The following TESK2 variants were observed in gnomAD, a reference collection of about 807,000 sequenced individuals.
TESK2 encodes testis associated actin remodelling kinase 2.
In TESK2, 39 loss-of-function variants were observed where a neutral mutation model predicts 57.1. The observed-to-expected ratio is 0.68, with a 90% CI of 0.53 to 0.89. The LOEUF is 0.89. TESK2 is among the 40% of genes least tolerant of loss of function. TESK2 has a pLI of 0.00. For synonymous variants in TESK2, 249 were observed against 267.9 expected (o/e 0.93, Z 0.69); for missense variants, 646 against 732.1 (o/e 0.88, Z 1.36).
intron 3 of TESK2, among the ~76,000 whole-genome samples, chr1:45,393,681 C>A (rs978337311): frequency 6.8e-6 from 1 of 147,274 alleles, no homozygotes. Flanking sequence ...ATGGAGGTTG[C>A]AGTGAGCTAA....
At chr1:45,398,413 C>T (rs555543495) in intron 3 of TESK2, among the ~76,000 whole-genome samples, 6 of 152,076 alleles carry the variant, frequency 3.9e-5, no homozygotes, top group Admixed American at 1.3e-4. Context: ...GGTGTGGTGG[C>T]GTGCACCTGT....
intron 1 of TESK2, among the ~76,000 whole-genome samples, chr1:45,470,419 T>C (rs1321243870): frequency 6.6e-6 from 1 of 152,232 alleles, no homozygotes; most frequent in Non-Finnish European, 1.5e-5. Flanking sequence ...TGAGCTTACC[T>C]TCCTGCTGTG....
chr1:45,486,255 T>C (rs1248787143), intron 1 of TESK2, among the ~76,000 whole-genome samples: 3 of 152,208 alleles, frequency 2.0e-5, no homozygotes, highest in African/African-American at 7.2e-5. Flanking sequence ...TAGAAGGAGA[T>C]GAAATTCCCA....
intron 2 of TESK2, among the ~76,000 whole-genome samples, chr1:45,427,160 T>C (rs1259142346): frequency 4.0e-5 from 6 of 151,078 alleles, no homozygotes; most frequent in Non-Finnish European, 8.8e-5. Flanking sequence ...TGAGAATCAC[T>C]TGAACCTGGG....
chr1:45,441,467 G>C (rs1225603753), intron 2 of TESK2, among the ~76,000 whole-genome samples: 5 of 151,822 alleles, frequency 3.3e-5, no homozygotes, highest in African/African-American at 1.2e-4. Context: ...GTGAGCCACC[G>C]CACCCAGCCT....
chr1:45,354,805 A>AT (rs1647339687), intron 5 of TESK2, among the ~76,000 whole-genome samples: 1 of 67,442 alleles, frequency 1.5e-5, no homozygotes, highest in Non-Finnish European at 2.6e-5. Context: ...AAAAAAAAAA[A>AT]AAAAAAAAAA....
At chr1:45,465,235 CA>C (rs1172793004) in intron 1 of TESK2, among the ~76,000 whole-genome samples, 16 of 142,912 alleles carry the variant, frequency 1.1e-4, no homozygotes, top group South Asian at 2.2e-4. Flanking sequence ...GACTCCATCT[CA>C]AAAAAAAAAG....
intron 3 of TESK2, among the ~76,000 whole-genome samples, chr1:45,400,096 G>T (rs1368391208): frequency 6.6e-6 from 1 of 152,148 alleles, no homozygotes; most frequent in Non-Finnish European, 1.5e-5. Context: ...AATTAAAGTT[G>T]CTGGTCAGAA....
At chr1:45,489,833 C>G (rs1370854541) in intron 1 of TESK2, among the ~76,000 whole-genome samples, 2 of 152,154 alleles carry the variant, frequency 1.3e-5, no homozygotes, top group Non-Finnish European at 2.9e-5. Context: ...TTAACTTGTT[C>G]AAAACCAAAT....
chr1:45,386,986 A>G (rs1279086383), intron 3 of TESK2, among the ~76,000 whole-genome samples: 2 of 151,750 alleles, frequency 1.3e-5, no homozygotes, highest in African/African-American at 4.8e-5. Context: ...TCCCCCTCCC[A>G]ACCTTTCCCC....
intron 4 of TESK2, among the ~76,000 whole-genome samples, chr1:45,360,097 C>A (rs562159161): frequency 3.3e-5 from 5 of 152,122 alleles, no homozygotes; most frequent in African/African-American, 1.2e-4. Flanking sequence ...CTTCATCCTG[C>A]TTGATAATCC....
At chr1:45,357,226 TAA>T (rs1243116027) in intron 4 of TESK2, among the ~76,000 whole-genome samples, 3 of 150,668 alleles carry the variant, frequency 2.0e-5, no homozygotes, top group Admixed American at 6.6e-5. Context: ...AATAAATAAA[TAA>T]ATAAATAAAT....
At chr1:45,455,460 A>AATG (rs1652052132) in intron 2 of TESK2, among the ~76,000 whole-genome samples, 1 of 152,150 alleles carries the variant, frequency 6.6e-6, no homozygotes, top group Admixed American at 6.5e-5. Flanking sequence ...CTCTTACGGG[A>AATG]GATGAATTTG....
At chr1:45,378,549 T>C (rs1017717136) in intron 4 of TESK2, among the ~76,000 whole-genome samples, 1 of 152,170 alleles carries the variant, frequency 6.6e-6, no homozygotes, top group Admixed American at 6.5e-5. Flanking sequence ...GCACCAGATA[T>C]GCAAATGAAG....
chr1:45,457,447 T>C (rs1647346418), intron 2 of TESK2, 117 bp downstream of exon 2: 1 of 897,254 alleles, frequency 1.1e-6, no homozygotes, highest in Non-Finnish European at 1.8e-6. Flanking sequence ...AGAACAGTGT[T>C]CAAGATCCAC....
intron 1 of TESK2, among the ~76,000 whole-genome samples, chr1:45,477,214 CAG>C (rs1454997095): frequency 6.7e-6 from 1 of 150,176 alleles, no homozygotes. Context: ...GCCTGGGTGA[CAG>C]AGTGAGACTC....
chr1:45,440,082 G>A (rs1290972084), intron 2 of TESK2, among the ~76,000 whole-genome samples: 1 of 151,924 alleles, frequency 6.6e-6, no homozygotes, highest in Non-Finnish European at 1.5e-5. Context: ...CTCCGGAGTA[G>A]CTGGAATTAC....
chr1:45,422,480 G>A (rs1433121752), intron 2 of TESK2, among the ~76,000 whole-genome samples: 1 of 152,176 alleles, frequency 6.6e-6, no homozygotes, highest in Non-Finnish European at 1.5e-5. Flanking sequence ...GTCTCACTGT[G>A]TCACCCAGAC....
At position 45,345,215 on chromosome 1, in the gene TESK2, C is replaced by T; in HGVS notation, c.1341G>A (p.Leu447=). The change falls in exon 11 of 11, where the codon CTG becomes CTA. Residue 447 remains leucine (L), a synonymous_variant. Coordinates refer to ENST00000372086, the MANE Select transcript of TESK2 (RefSeq NM_007170.3). Reference sequence around the variant, plus strand: ...AACGCCACCGGCGAATAGGTGGGGCCAGGGGCTCCTGCCAGTCAGCCAGGG... The same window carrying T: ...AACGCCACCGGCGAATAGGTGGGGCTAGGGGCTCCTGCCAGTCAGCCAGGG... ...TMPLADWQEP[L]APPIRRWRSL... 1 of 1,614,172 alleles carries T rather than the reference C, an allele frequency of 6.2e-7. No individual in the cohort carries two copies. Among genetic ancestry groups the T allele is most frequent in the Non-Finnish European group, 8.5e-7 (1 of 1,180,024 alleles).
Sources: allele counts gnomAD v4.1 joint callset (sites outside exome capture counted in the v4.1 genomes callset), GRCh38; gene constraint gnomAD v4.1.1; transcripts MANE v1.5; gene names NCBI Gene and HGNC (gene_info 2026-07-23, HGNC 2026-07-21).